ZBTB16: variants seen among roughly 807,000 people sequenced by gnomAD.
The protein encoded by ZBTB16 is zinc finger and BTB domain containing 16, also known as zinc finger and BTB domain-containing protein 16.
In ZBTB16, 8 loss-of-function variants were observed where a neutral mutation model predicts 56.8. That is an observed-to-expected ratio of 0.14 (90% CI 0.08 to 0.25). ZBTB16 has a LOEUF of 0.25. Ranked by LOEUF, ZBTB16 falls within the 10% of genes least tolerant of loss-of-function variation. The pLI is 1.00. For synonymous variants in ZBTB16, 363 were observed against 368.5 expected (o/e 0.98, Z 0.17); for missense variants, 625 against 903.0 (o/e 0.69, Z 3.95).
chr11:114,146,034 A>G (rs377716611), intron 2 of ZBTB16, among the ~76,000 whole-genome samples: 1 of 152,220 alleles, frequency 6.6e-6, no homozygotes, highest in South Asian at 2.1e-4. Flanking sequence ...CAACCTACCT[A>G]GAAGGGCTGT....
chr11:114,073,053 CAAAAA>C (rs11349665), intron 2 of ZBTB16, among the ~76,000 whole-genome samples: 1 of 69,976 alleles, frequency 1.4e-5, no homozygotes, highest in Non-Finnish European at 3.1e-5. Flanking sequence ...GAGACTGTCT[CAAAAA>C]AAAAAAAAAA....
chr11:114,114,652 C>CTACA (rs2137787966), intron 2 of ZBTB16, among the ~76,000 whole-genome samples: 1 of 151,792 alleles, frequency 6.6e-6, no homozygotes, highest in African/African-American at 2.4e-5. Flanking sequence ...CATAGAGGTC[C>CTACA]TACAGATCAT....
At chr11:114,091,913 G>T (rs904750480) in intron 2 of ZBTB16, among the ~76,000 whole-genome samples, 10 of 152,090 alleles carry the variant, frequency 6.6e-5, no homozygotes, top group African/African-American at 2.4e-4. Flanking sequence ...TGATGCTTAC[G>T]AGTCATTGGA....
intron 3 of ZBTB16, among the ~76,000 whole-genome samples, chr11:114,167,654 C>G (rs1447380288): frequency 6.6e-6 from 1 of 152,098 alleles, no homozygotes; most frequent in Non-Finnish European, 1.5e-5. Flanking sequence ...TCCCCAGCCC[C>G]CTCCTGCTCT....
intron 2 of ZBTB16, among the ~76,000 whole-genome samples, chr11:114,076,805 C>T (rs1009784250): frequency 2.0e-5 from 3 of 152,166 alleles, no homozygotes; most frequent in Non-Finnish European, 4.4e-5. Flanking sequence ...TGGCCCCTTT[C>T]CTCACTTTCT....
rs528473096 is a variant in ZBTB16 at position 114,064,196 on chromosome 11, G to C, written c.896G>C (p.Arg299Pro). Residue 299 changes from arginine to proline, a missense_variant, in exon 2 of 7, where the codon CGA becomes CCA. Transcript: ENST00000335953. This position sits in a 1 kb window ranked among gnomAD's most constrained non-coding sequence, Gnocchi z 4.2. The stretch of plus-strand genomic sequence containing the variant: ...AGTGCTAGGGAGCTACACTATGGGC[G>C]AGAGGAGAGTGCCGAGCAGGTGCCA... ...ITSARELHYGREESAEQVPPP... is the reference protein window; with the variant it reads ...ITSARELHYGPEESAEQVPPP... The C allele has an allele frequency of 2.5e-6, 4 of 1,613,970 alleles. No homozygotes were observed. In the Middle Eastern group the frequency reaches 4.9e-4, roughly 200 times the overall value.
intron 2 of ZBTB16, among the ~76,000 whole-genome samples, chr11:114,100,956 G>A (rs1010673560): frequency 6.6e-6 from 1 of 152,002 alleles, no homozygotes; most frequent in African/African-American, 2.4e-5. Context: ...CCAGCATCTC[G>A]GGGGTCCCCG....
intron 4 of ZBTB16, among the ~76,000 whole-genome samples, chr11:114,198,318 C>T (rs1283938866): frequency 6.6e-6 from 1 of 152,196 alleles, no homozygotes; most frequent in African/African-American, 2.4e-5. Context: ...ACAGTCAGTG[C>T]CCCAGCATAG....
intron 2 of ZBTB16, among the ~76,000 whole-genome samples, chr11:114,132,182 C>T (rs1398101937): frequency 6.6e-6 from 1 of 152,020 alleles, no homozygotes; most frequent in Admixed American, 6.5e-5. Context: ...GAATGCTGTA[C>T]AAGACGGGTT....
intron 2 of ZBTB16, among the ~76,000 whole-genome samples, chr11:114,123,238 A>G (rs1941394026): frequency 6.6e-6 from 1 of 152,128 alleles, no homozygotes; most frequent in Non-Finnish European, 1.5e-5. Context: ...GGCACAATTC[A>G]GTCCATAGTA....
Position 114,059,921 on chromosome 11 carries a change from G to A in ZBTB16, c.-91+39G>A, listed in dbSNP as rs1291333124. 3 of 393,760 alleles carry A rather than the reference G, an allele frequency of 7.6e-6. No homozygotes were observed. Among genetic ancestry groups the A allele is most frequent in the African/African-American group, 2.1e-5 (1 of 48,232 alleles). 24.4% of individuals were successfully genotyped at this position (393,760 alleles called of 1,614,324 possible). A position where few individuals can be genotyped will look rare whatever the true frequency, so the allele number is the denominator to read the frequency against. On this transcript the variant is annotated intron_variant, in intron 1 of 6. Coordinates refer to ENST00000335953, the MANE Select transcript of ZBTB16 (RefSeq NM_006006.6). The surrounding 1 kb of genome is among the most constrained non-coding windows in gnomAD (Gnocchi z 5.3). ...CGGGAAGAGGCGCACCGCCCAGCGAGCGCCGCGCGCCGGGGCTTCCCGGGG... is the reference window on the plus strand; with the variant it reads ...CGGGAAGAGGCGCACCGCCCAGCGAACGCCGCGCGCCGGGGCTTCCCGGGG...
intron 2 of ZBTB16, among the ~76,000 whole-genome samples, chr11:114,155,244 C>A (rs534553): frequency 0.082 from 12,429 of 152,306 alleles, 650 homozygotes; most frequent in African/African-American, 0.14. Context: ...CCCCTGGGGA[C>A]GTTGCAGGGA....
In ZBTB16 at chr11:114,252,783, C is replaced by G. The variant is rs1010253026; in HGVS notation, c.*2228C>G. 2.0e-5 allele frequency among the ~76,000 whole-genome samples: 3 copies of G among 152,114 alleles called. No homozygotes were observed. The highest frequency in any genetic ancestry group is 4.4e-5 in the Non-Finnish European group (3 of 68,030). On this transcript the variant is annotated 3_prime_UTR_variant, in exon 7 of 7. Transcript: ENST00000335953. ...GGATGGGTGCTGCTGCGACGACCCCCCCGTCCCTCGGCCCCAGCCCTCCTG... is the reference window on the plus strand; with the variant it reads ...GGATGGGTGCTGCTGCGACGACCCCGCCGTCCCTCGGCCCCAGCCCTCCTG...
At position 114,167,232 on chromosome 11, in the gene ZBTB16, GT is replaced by G. The variant is rs58946694; in HGVS notation, c.1366+10819del. 4.5e-5 allele frequency among the ~76,000 whole-genome samples: 4 copies of G among 88,710 alleles called. 1 individual carries two copies. Among genetic ancestry groups the G allele is most frequent in the African/African-American group, 2.4e-4 (4 of 16,622 alleles). 58.2% of individuals were successfully genotyped at this position (88,710 alleles called of 152,430 possible). On this transcript the variant is annotated intron_variant, in intron 3 of 6. Transcript: ENST00000335953. The stretch of plus-strand genomic sequence containing the variant: ...GGATTTGTGGTTTTTTTTTTTTTTG[GT>G]TTTTTTTTTTTTTTTTTTTTGACAA...
Position 114,252,884 on chromosome 11 carries a change from G to A in ZBTB16, c.*2329G>A, listed in dbSNP as rs1047403846. Among the ~76,000 whole-genome samples the A allele has an allele frequency of 3.3e-5, 5 of 152,176 alleles. No homozygotes were observed. The highest frequency in any genetic ancestry group is 9.7e-5 in the African/African-American group (4 of 41,440). ...TTGGGAGGATGTGAATTGGGAGGAC[G>A]GTGTCACTAGACTGTGGATTAGGGA... On this transcript the variant is annotated 3_prime_UTR_variant, in exon 7 of 7. Coordinates refer to ENST00000335953, the MANE Select transcript of ZBTB16 (RefSeq NM_006006.6).
chr11:114,115,964 C>G (rs879654889), intron 2 of ZBTB16, among the ~76,000 whole-genome samples: 17 of 152,220 alleles, frequency 1.1e-4, no homozygotes, highest in Non-Finnish European at 2.5e-4. Flanking sequence ...ACCCCCTCCC[C>G]ACCCTGTCCA....
At position 114,243,558 on chromosome 11, in the gene ZBTB16, T is replaced by C. The variant is rs143969514; in HGVS notation, c.1624+1221T>C. Among the ~76,000 whole-genome samples the C allele has an allele frequency of 2.4e-3, 372 of 152,316 alleles. 4 individuals are homozygous for C. Among genetic ancestry groups the C allele is most frequent in the African/African-American group, 7.7e-3 (319 of 41,572 alleles). On this transcript the variant is annotated intron_variant, in intron 5 of 6. Transcript: ENST00000335953. ...CAGATTTGCACAGAACTACTTAAAA[T>C]TTCTGGGACAGGACGGAGGTAGGGC... is the stretch of plus-strand genomic sequence containing the variant.
At position 114,060,747 on chromosome 11, in the gene ZBTB16, G is replaced by T. The variant is rs1938804746; in HGVS notation, c.-91+865G>T. On this transcript the variant is annotated intron_variant, in intron 1 of 6. Coordinates refer to ENST00000335953, the MANE Select transcript of ZBTB16 (RefSeq NM_006006.6). The surrounding 1 kb of genome is among the most constrained non-coding windows in gnomAD (Gnocchi z 6.0). Reference sequence around the variant, plus strand: ...CCGGACGCACGGAGCGCTCCGCACCGACTCGCTCGCCGCCTCCCCGAGACG... The same window carrying T: ...CCGGACGCACGGAGCGCTCCGCACCTACTCGCTCGCCGCCTCCCCGAGACG... Among the ~76,000 whole-genome samples, 1 of 152,060 alleles carries T rather than the reference G, an allele frequency of 6.6e-6. No individual in the cohort carries two copies. Among genetic ancestry groups the T allele is most frequent in the African/African-American group, 2.4e-5 (1 of 41,438 alleles).
At chr11:114,161,949 G>T (rs1942601243) in intron 3 of ZBTB16, among the ~76,000 whole-genome samples, 1 of 152,232 alleles carries the variant, frequency 6.6e-6, no homozygotes, top group Admixed American at 6.5e-5. Flanking sequence ...GGGCCCTGTG[G>T]CCCCATTCTG....
Sources: gnomAD v4.1 joint callset for allele counts (sites outside exome capture counted in the v4.1 genomes callset) on GRCh38, gnomAD v4.1.1 for gene constraint, Gnocchi (gnomAD v3.1) non-coding constraint, MANE v1.5 for transcripts, NCBI Gene and HGNC (gene_info 2026-07-23, HGNC 2026-07-21) for gene names.